Variants in DIAPH2 observed in about 807,000 individuals in gnomAD.
DIAPH2 encodes the protein diaphanous related formin 2, also known as protein diaphanous homolog 2.
DIAPH2 carries 35 observed loss-of-function variants against 92.7 expected under a neutral mutation model. That is an observed-to-expected ratio of 0.38 (90% CI 0.29 to 0.50). The LOEUF (loss-of-function observed/expected upper bound fraction) is 0.50, where lower values mean the gene tolerates loss of function less well. DIAPH2 is among the 20% of genes least tolerant of loss of function. The pLI is 0.94. For synonymous variants in DIAPH2, 301 were observed against 280.4 expected, an observed-to-expected ratio of 1.07 and a Z score of -0.73; for missense variants, 701 against 819.5, an observed-to-expected ratio of 0.86 and a Z score of 1.77.
intron 22 of DIAPH2, among the ~76,000 whole-genome samples, chrX:97,215,676 G>A (rs1250858681): frequency 9.0e-6 from 1 of 111,528 alleles, no homozygotes; most frequent in African/African-American, 3.3e-5. Context: ...GAGAAATAAT[G>A]GGAGTTTGGC....
chrX:97,236,914 G>A (rs756515894), intron 22 of DIAPH2, among the ~76,000 whole-genome samples: 6 of 111,719 alleles, frequency 5.4e-5, no homozygotes, highest in Non-Finnish European at 9.4e-5. Flanking sequence ...GCAGGTAGTC[G>A]TCTTGTTGTG....
chrX:97,384,653 G>C (rs888042550), intron 25 of DIAPH2, among the ~76,000 whole-genome samples: 4 of 110,576 alleles, frequency 3.6e-5, no homozygotes, highest in Non-Finnish European at 5.7e-5. Flanking sequence ...GGTCGCTTGA[G>C]GTGAGGAGTT....
chrX:96,736,848 T>G (rs904197079), intron 2 of DIAPH2, among the ~76,000 whole-genome samples: 2 of 112,183 alleles, frequency 1.8e-5, no homozygotes, highest in Non-Finnish European at 3.8e-5. Flanking sequence ...TTAAGTGATA[T>G]GAAGGGAAAG....
chrX:97,585,661 C>T (rs2071475261), intron 26 of DIAPH2, among the ~76,000 whole-genome samples: 1 of 110,278 alleles, frequency 9.1e-6, no homozygotes, highest in South Asian at 3.9e-4. Flanking sequence ...TGACCTGAGG[C>T]AACTGTTTGC....
Position 97,599,824 on chromosome X carries a change from C to G in DIAPH2, c.*507C>G, listed in dbSNP as rs1399598478. ...AATATTATGCACACTGTAAGAGAAGCCATTTTGGAAATTCACGAAAGTACT... is the reference window on the plus strand; with the variant it reads ...AATATTATGCACACTGTAAGAGAAGGCATTTTGGAAATTCACGAAAGTACT... On this transcript the variant is annotated 3_prime_UTR_variant, in exon 27 of 27. Coordinates refer to ENST00000324765, the MANE Select transcript of DIAPH2 (RefSeq NM_006729.5). 8.9e-6 allele frequency: 1 copy of G among 112,195 alleles called. No homozygotes were observed. Among genetic ancestry groups the G allele is most frequent in the Non-Finnish European group, 1.9e-5 (1 of 53,153 alleles). The allele number at this position is 112,195 out of a possible 1,213,427, so 9.2% of individuals were successfully genotyped here.
intron 19 of DIAPH2, among the ~76,000 whole-genome samples, chrX:97,085,578 G>A (rs1016784083): frequency 9.1e-5 from 10 of 110,128 alleles, no homozygotes; most frequent in Non-Finnish European, 1.9e-4. Flanking sequence ...ACCACCGCCC[G>A]GCTAATTTTT....
At chrX:97,470,158 A>T (rs374232735) in intron 26 of DIAPH2, among the ~76,000 whole-genome samples, 21 of 111,596 alleles carry the variant, frequency 1.9e-4, no homozygotes, top group African/African-American at 5.5e-4. Flanking sequence ...GACAAAAGCC[A>T]CTAGGGTAGC....
intron 4 of DIAPH2, among the ~76,000 whole-genome samples, chrX:96,792,551 C>A (rs1237672635): frequency 8.9e-6 from 1 of 112,183 alleles, no homozygotes; most frequent in Non-Finnish European, 1.9e-5. Context: ...TTTAAACTTA[C>A]TTTTCTTGTG....
chrX:96,971,602 A>G (rs2065928032), intron 17 of DIAPH2, among the ~76,000 whole-genome samples: 1 of 111,542 alleles, frequency 9.0e-6, no homozygotes, highest in Non-Finnish European at 1.9e-5. Context: ...ATCAAACCAA[A>G]TCAAAACCAA....
chrX:97,409,628 C>A (rs2095188539), intron 25 of DIAPH2, among the ~76,000 whole-genome samples: 3 of 111,867 alleles, frequency 2.7e-5, no homozygotes, highest in African/African-American at 9.8e-5. Context: ...CAAAGGAAGC[C>A]ATGACAGACT....
chrX:97,429,146 A>G (rs183321218), intron 25 of DIAPH2, among the ~76,000 whole-genome samples: 91 of 112,306 alleles, frequency 8.1e-4, no homozygotes, highest in African/African-American at 2.9e-3. Flanking sequence ...AAGGATATGG[A>G]TTAGGTAAGA....
intron 26 of DIAPH2, among the ~76,000 whole-genome samples, chrX:97,500,235 G>T (rs2070785854): frequency 9.0e-6 from 1 of 111,492 alleles, no homozygotes. Context: ...GGTATGATTT[G>T]CAGGTTGGTC....
intron 22 of DIAPH2, among the ~76,000 whole-genome samples, chrX:97,176,775 C>T (rs953430055): frequency 1.2e-4 from 13 of 111,505 alleles, no homozygotes; most frequent in Non-Finnish European, 2.3e-4. Context: ...GATCCGCCTG[C>T]CTCGGCCTCC....
At chrX:97,552,653 G>T (rs1279986834) in intron 26 of DIAPH2, among the ~76,000 whole-genome samples, 1 of 107,238 alleles carries the variant, frequency 9.3e-6, no homozygotes, top group East Asian at 2.9e-4. Context: ...TTGTTTTAAT[G>T]ATAGTATAAC....
chrX:97,192,531 G>C (rs1379293894), intron 22 of DIAPH2, among the ~76,000 whole-genome samples: 1 of 110,941 alleles, frequency 9.0e-6, no homozygotes, highest in Non-Finnish European at 1.9e-5. Flanking sequence ...CTGTGAACCA[G>C]TGTTAACCTG....
chrX:97,422,333 A>C (rs542079126), intron 25 of DIAPH2, among the ~76,000 whole-genome samples: 1 of 111,402 alleles, frequency 9.0e-6, no homozygotes, highest in South Asian at 3.8e-4. Flanking sequence ...AAATTATAAT[A>C]AAGTGCTCTA....
chrX:97,068,822 G>A (rs1024256375), intron 17 of DIAPH2, among the ~76,000 whole-genome samples: 1 of 111,941 alleles, frequency 8.9e-6, no homozygotes, highest in African/African-American at 3.2e-5. Context: ...GCATTTACTT[G>A]TTAAATATAC....
chrX:97,561,884 A>T (rs1284684575), intron 26 of DIAPH2, among the ~76,000 whole-genome samples: 1 of 112,512 alleles, frequency 8.9e-6, no homozygotes, highest in Non-Finnish European at 1.9e-5. Context: ...GATTGTTAAG[A>T]TGGCATTGGA....
intron 4 of DIAPH2, among the ~76,000 whole-genome samples, chrX:96,814,122 C>T (rs1238115889): frequency 9.0e-6 from 1 of 111,727 alleles, no homozygotes; most frequent in Non-Finnish European, 1.9e-5. Context: ...AGAGTGTTTT[C>T]CAACTTGGTT....
Sources: gnomAD v4.1 joint callset for allele counts (sites outside exome capture counted in the v4.1 genomes callset) on GRCh38, gnomAD v4.1.1 for gene constraint, MANE v1.5 for transcripts, NCBI Gene and HGNC (gene_info 2026-07-23, HGNC 2026-07-21) for gene names.